FMN2: variants seen among roughly 807,000 people sequenced by gnomAD.
The protein encoded by FMN2 is formin 2, also known as formin-2.
FMN2 carries 51 observed loss-of-function variants against 142.3 expected under a neutral mutation model. The observed-to-expected ratio is 0.36, with a 90% confidence interval of 0.29 to 0.45. The LOEUF (loss-of-function observed/expected upper bound fraction) is 0.45, where lower values mean the gene tolerates loss of function less well. Ranked by LOEUF, FMN2 falls within the 20% of genes least tolerant of loss-of-function variation. The pLI is 1.00. For missense variants in FMN2, 1,936 were observed against 2,122.8 expected (o/e 0.91, Z 1.73); for synonymous variants, 882 against 869.8 (o/e 1.01, Z -0.25).
chr1:240,283,649 T>C (rs977259458), intron 7 of FMN2, among the ~76,000 whole-genome samples: 1 of 152,166 alleles, frequency 6.6e-6, no homozygotes, highest in African/African-American at 2.4e-5. Flanking sequence ...TTAAAAATCT[T>C]CTTGGAGCGA....
At chr1:240,336,082 G>A (rs527484503) in intron 13 of FMN2, among the ~76,000 whole-genome samples, 1 of 152,296 alleles carries the variant, frequency 6.6e-6, no homozygotes, top group East Asian at 1.9e-4. Context: ...GGCAGAGGTT[G>A]CAGTGAGCCA....
At chr1:240,143,294 A>T in intron 2 of FMN2, 1 of 1,532,882 alleles carries the variant, frequency 6.5e-7, no homozygotes, top group South Asian at 1.1e-5. Flanking sequence ...TTTGAAACAG[A>T]GATGAGGGCC....
intron 8 of FMN2, among the ~76,000 whole-genome samples, chr1:240,309,678 C>A (rs1670537782): frequency 6.6e-6 from 1 of 152,108 alleles, no homozygotes; most frequent in Non-Finnish European, 1.5e-5. Context: ...AGAGGACCCC[C>A]TTCCTCTAGC....
Position 240,182,894 on chromosome 1 carries a change from C to T in FMN2, c.1930+4826C>T, listed in dbSNP as rs927546064. On this transcript the variant is annotated intron_variant, in intron 3 of 17. Transcript: ENST00000319653. ...GAAGAAATTCTGTGCCGTGCAATGT[C>T]AATACAACTCATTTCTTTTCTTTTC... Among the ~76,000 whole-genome samples, 6 of 150,736 alleles carry T rather than the reference C, an allele frequency of 4.0e-5. No individual in the cohort carries two copies. The East Asian group carries it at 9.7e-4, about 24-fold the overall frequency.
At chr1:240,192,621 G>A (rs1377859473) in intron 4 of FMN2, among the ~76,000 whole-genome samples, 1 of 152,164 alleles carries the variant, frequency 6.6e-6, no homozygotes, top group Non-Finnish European at 1.5e-5. Context: ...GAAACCATGA[G>A]TTAGTCATCC....
In FMN2 at chr1:240,096,233, G is replaced by C. The variant is rs141525479; in HGVS notation, c.1615+2509G>C. ...ATACAATGTTTTAAGGCCATATAGAGAGTAAAAACTGTTTATAAAAAATGT... is the reference window on the plus strand; with the variant it reads ...ATACAATGTTTTAAGGCCATATAGACAGTAAAAACTGTTTATAAAAAATGT... On this transcript the variant is annotated intron_variant, in intron 1 of 17. Coordinates refer to ENST00000319653, the MANE Select transcript of FMN2 (RefSeq NM_020066.5). 9.1e-4 allele frequency among the ~76,000 whole-genome samples: 139 copies of C among 152,266 alleles called. 2 individuals are homozygous for C. The East Asian group carries it at 0.025, about 27-fold the overall frequency.
At chr1:240,133,986 C>T (rs570519235) in intron 2 of FMN2, among the ~76,000 whole-genome samples, 120 of 152,298 alleles carry the variant, frequency 7.9e-4, no homozygotes, top group Admixed American at 1.9e-3. Context: ...TCTCCACCCA[C>T]TTAAGAGGTG....
intron 7 of FMN2, among the ~76,000 whole-genome samples, chr1:240,266,440 CT>C (rs1370576939): frequency 6.6e-6 from 1 of 151,710 alleles, no homozygotes; most frequent in Non-Finnish European, 1.5e-5. Flanking sequence ...ATTCTCTATT[CT>C]TTTCCATAGG....
chr1:240,163,098 G>A (rs891954356), intron 2 of FMN2, among the ~76,000 whole-genome samples: 1 of 152,060 alleles, frequency 6.6e-6, no homozygotes, highest in African/African-American at 2.4e-5. Flanking sequence ...ATTATATTAA[G>A]AGAAAACATA....
At chr1:240,242,550 G>A (rs1572107333) in intron 6 of FMN2, among the ~76,000 whole-genome samples, 1 of 152,274 alleles carries the variant, frequency 6.6e-6, no homozygotes, top group East Asian at 1.9e-4. Flanking sequence ...ACTCAGTTGA[G>A]GAACAACATC....
chr1:240,273,768 T>G lies in FMN2; in HGVS notation c.4153+15736T>G, dbSNP rs541998274. ...ACTTGCTGTATCTTCTCTCTGTGAT[T>G]CAGGTGACTCTGAATCAGGTGAGTT... On this transcript the variant is annotated intron_variant, in intron 7 of 17. Transcript: ENST00000319653. Among the ~76,000 whole-genome samples, 81 of 152,230 alleles carry G rather than the reference T, an allele frequency of 5.3e-4. No homozygotes were observed. The South Asian group carries it at 0.015, about 27-fold the overall frequency.
intron 6 of FMN2, among the ~76,000 whole-genome samples, chr1:240,226,944 A>G (rs1213851917): frequency 3.9e-5 from 6 of 152,280 alleles, no homozygotes; most frequent in Admixed American, 2.0e-4. Context: ...GAAAAAGACA[A>G]GGATGTTCAT....
rs200419823 is a variant in FMN2 at position 240,185,350 on chromosome 1, T to C, written c.1931-2857T>C. On this transcript the variant is annotated intron_variant, in intron 3 of 17. Coordinates refer to ENST00000319653, the MANE Select transcript of FMN2 (RefSeq NM_020066.5). ...CTCTTTCATGTTAAAATCTTGACCCTCTAGAACTCCTATTTTCCAGCTTAT... is the reference window on the plus strand; with the variant it reads ...CTCTTTCATGTTAAAATCTTGACCCCCTAGAACTCCTATTTTCCAGCTTAT... Among the ~76,000 whole-genome samples the C allele has an allele frequency of 1.5e-4, 23 of 152,322 alleles. No individual in the cohort carries two copies. In the East Asian group the frequency reaches 4.4e-3, roughly 29 times the overall value.
chr1:240,464,004 A>G (rs1200324429), intron 16 of FMN2, among the ~76,000 whole-genome samples: 1 of 152,162 alleles, frequency 6.6e-6, no homozygotes, highest in African/African-American at 2.4e-5. Context: ...CTCCATTGAA[A>G]AAAAAAAATT....
intron 6 of FMN2, among the ~76,000 whole-genome samples, chr1:240,228,649 A>G (rs1026351030): frequency 1.3e-5 from 2 of 152,146 alleles, no homozygotes; most frequent in Non-Finnish European, 2.9e-5. Context: ...CTATTTATGC[A>G]AGTATTTGCT....
intron 2 of FMN2, among the ~76,000 whole-genome samples, chr1:240,133,130 A>C (rs1238432787): frequency 6.6e-6 from 1 of 152,180 alleles, no homozygotes. Context: ...AGTAGTGCCA[A>C]GGTTGAGAAA....
intron 2 of FMN2, among the ~76,000 whole-genome samples, chr1:240,128,268 C>CT (rs949669656): frequency 6.6e-6 from 1 of 152,092 alleles, no homozygotes; most frequent in African/African-American, 2.4e-5. Context: ...AATGAGATCC[C>CT]TTTTTTTGGG....
chr1:240,166,118 G>A (rs1664470975), intron 2 of FMN2, among the ~76,000 whole-genome samples: 1 of 149,534 alleles, frequency 6.7e-6, no homozygotes, highest in East Asian at 1.9e-4. Flanking sequence ...TCACATTTAT[G>A]TGTTCCATGT....
chr1:240,381,949 C>T (rs1395249107), intron 14 of FMN2, among the ~76,000 whole-genome samples: 1 of 152,142 alleles, frequency 6.6e-6, no homozygotes, highest in Non-Finnish European at 1.5e-5. Flanking sequence ...TCCTAATCAA[C>T]ATAGTGCTGG....
Sources: allele counts gnomAD v4.1 joint callset (sites outside exome capture counted in the v4.1 genomes callset), GRCh38; gene constraint gnomAD v4.1.1; transcripts MANE v1.5; gene names NCBI Gene and HGNC (gene_info 2026-07-23, HGNC 2026-07-21).